Variants in ARHGEF11 observed in about 807,000 individuals in gnomAD.
ARHGEF11 encodes the protein Rho guanine exchange factor (GEF) 11.
ARHGEF11 carries 55 observed loss-of-function variants against 193.7 expected under a neutral mutation model. The ratio of observed to expected loss-of-function variants is 0.28; its 90% CI spans 0.23 to 0.36. ARHGEF11 has a LOEUF of 0.36. ARHGEF11 is among the 10% of genes least tolerant of loss of function. ARHGEF11 has a pLI of 1.00. For synonymous variants in ARHGEF11, 693 were observed against 768.0 expected, an observed-to-expected ratio of 0.90 and a Z score of 1.62; for missense variants, 1,723 against 2,005.6, an observed-to-expected ratio of 0.86 and a Z score of 2.69.
chr1:156,958,958 GAT>G, intron 16 of ARHGEF11, 86 bp downstream of exon 16: 1 of 1,602,316 alleles, frequency 6.2e-7, no homozygotes, highest in Non-Finnish European at 8.5e-7. Context: ...TATAACAAGA[GAT>G]ATGTGCACGT....
chr1:157,021,996 C>A (rs558798388), intron 1 of ARHGEF11, among the ~76,000 whole-genome samples: 12 of 152,142 alleles, frequency 7.9e-5, no homozygotes, highest in Non-Finnish European at 1.0e-4. Flanking sequence ...AAATCCAACA[C>A]CCTTTTACAA....
chr1:156,995,569 T>C (rs1028247765), intron 1 of ARHGEF11, among the ~76,000 whole-genome samples: 112 of 152,038 alleles, frequency 7.4e-4, no homozygotes, highest in Non-Finnish European at 1.4e-3. Context: ...CTTTTTTTTT[T>C]TTTTGAGACA....
intron 1 of ARHGEF11, among the ~76,000 whole-genome samples, chr1:156,990,214 T>C (rs997510784): frequency 6.6e-6 from 1 of 152,228 alleles, no homozygotes; most frequent in Non-Finnish European, 1.5e-5. Context: ...TCTAGGCCAG[T>C]AATCTTGTTG....
intron 21 of ARHGEF11, 88 bp from the exon 22 acceptor site, chr1:156,951,787 G>A: frequency 1.3e-6 from 2 of 1,548,938 alleles, no homozygotes; most frequent in South Asian, 2.4e-5. Flanking sequence ...CCAGAAGACA[G>A]AGCAATGAGC....
rs1304123025 is a variant in ARHGEF11, at chr1:156,942,712, A to G, written c.3304T>C (p.Leu1102=). 4 of 1,614,162 alleles carry G rather than the reference A, an allele frequency of 2.5e-6. No individual in the cohort carries two copies. The highest frequency in any genetic ancestry group is 2.2e-5 in the South Asian group (2 of 91,074). Residue 1102 remains leucine (L), a synonymous_variant, in exon 33 of 41, where the codon TTG becomes CTG. Transcript: ENST00000368194. ...CACGTGTTCTTGTCTGATGACGTCA[A>G]TGCAACCAGCTCATAGATCTGGGGT... is the stretch of plus-strand genomic sequence containing the variant. ...GPPQIYELVA[L]TSSDKNTWME...
chr1:156,970,257 A>C (rs1250411072), intron 8 of ARHGEF11, among the ~76,000 whole-genome samples: 1 of 152,154 alleles, frequency 6.6e-6, no homozygotes, highest in East Asian at 1.9e-4. Context: ...CCATTACTGA[A>C]ATTCTAAAAG....
chr1:156,960,462 T>TA lies in ARHGEF11; in HGVS notation c.1240-3dup, dbSNP rs760119017. The TA allele has an allele frequency of 1.1e-5, 17 of 1,614,048 alleles. No homozygotes were observed. The highest frequency in any genetic ancestry group is 1.4e-5 in the Non-Finnish European group (17 of 1,179,984). On this transcript the variant is annotated splice_polypyrimidine_tract_variant and splice_region_variant and intron_variant, in intron 14 of 40. Coordinates refer to ENST00000368194, the MANE Select transcript of ARHGEF11 (RefSeq NM_198236.3). ...CTCAGGGATCTTCACTCTCAGAGGC[T>TA]AAAAAACAGAAGTGTGGAGCAGAAG...
intron 1 of ARHGEF11, among the ~76,000 whole-genome samples, chr1:157,013,820 C>T (rs1422085701): frequency 6.6e-6 from 1 of 152,226 alleles, no homozygotes; most frequent in African/African-American, 2.4e-5. Context: ...CTGGTATTTT[C>T]CTCCCAGGTA....
rs201329653 is a variant in ARHGEF11, at chr1:156,940,473, C to T, written c.3515-48G>A. On this transcript the variant is annotated intron_variant, in intron 35 of 40. Coordinates refer to ENST00000368194, the MANE Select transcript of ARHGEF11 (RefSeq NM_198236.3). The stretch of plus-strand genomic sequence containing the variant: ...GTAAGGCAGGGAAAGGGAGAGGGCA[C>T]GTATGGGAGAGCCTATGGGCAGCTT... The T allele has an allele frequency of 3.0e-4, 454 of 1,534,634 alleles. 2 individuals carry two copies. In the African/African-American group the frequency reaches 4.1e-3, roughly 14 times the overall value.
intron 13 of ARHGEF11, among the ~76,000 whole-genome samples, chr1:156,962,600 C>T (rs529644616): frequency 6.6e-6 from 1 of 152,078 alleles, no homozygotes; most frequent in East Asian, 1.9e-4. Flanking sequence ...AGGAAGAGGC[C>T]GGGCGTGGTG....
At position 156,941,907 on chromosome 1, in the gene ARHGEF11, G is replaced by A. The variant is rs140840968; in HGVS notation, c.3409C>T (p.Pro1137Ser). The A allele has an allele frequency of 1.1e-4, 172 of 1,613,958 alleles. No individual in the cohort carries two copies. The African/African-American group carries it at 1.9e-3, about 18-fold the overall frequency. Residue 1137 changes from proline (P) to serine (S), a missense_variant, in exon 34 of 41, where the codon CCA (proline) becomes TCA (serine). Around this residue, in one of 5 missense-constraint regions of ARHGEF11, gnomAD observed 203 missense variants for 237.3 expected, o/e 0.86. Coordinates refer to ENST00000368194, the MANE Select transcript of ARHGEF11 (RefSeq NM_198236.3). Reference sequence around the variant, plus strand: ...TGCTGGGCTGGCTCCCGGGGACCTGGGGGTGGAGGATGGACGGGCATTGGG... The same window carrying A: ...TGCTGGGCTGGCTCCCGGGGACCTGAGGGTGGAGGATGGACGGGCATTGGG... ...AAPMPVHPPP[P>S]GPREPAQQGP...
chr1:156,983,550 A>G (rs1402848130), intron 3 of ARHGEF11, among the ~76,000 whole-genome samples: 2 of 152,172 alleles, frequency 1.3e-5, no homozygotes, highest in Non-Finnish European at 2.9e-5. Context: ...TGTCTTCCTC[A>G]GCCTGGACCA....
intron 36 of ARHGEF11, 144 bp from the exon 37 acceptor site, chr1:156,940,054 T>C: frequency 7.0e-7 from 1 of 1,427,108 alleles, no homozygotes; most frequent in Non-Finnish European, 9.4e-7. Flanking sequence ...CTGGTGGGGG[T>C]TGGGTGGGGA....
At chr1:156,983,352 G>A (rs1664470220) in intron 3 of ARHGEF11, among the ~76,000 whole-genome samples, 1 of 152,200 alleles carries the variant, frequency 6.6e-6, no homozygotes, top group Non-Finnish European at 1.5e-5. Flanking sequence ...CTCCCGAGTA[G>A]CTGGGACTAC....
At chr1:156,967,702 T>C (rs1178787068) in intron 11 of ARHGEF11, among the ~76,000 whole-genome samples, 2 of 152,244 alleles carry the variant, frequency 1.3e-5, no homozygotes, top group South Asian at 4.1e-4. Flanking sequence ...TTTCCTATTC[T>C]GTATAGACAG....
intron 17 of ARHGEF11, among the ~76,000 whole-genome samples, chr1:156,958,225 T>C (rs1025567826): frequency 1.3e-5 from 2 of 152,238 alleles, no homozygotes; most frequent in Admixed American, 6.5e-5. Context: ...CAGGTGCCTA[T>C]GACACTTTCG....
chr1:157,004,833 C>G (rs1220958226), intron 1 of ARHGEF11, among the ~76,000 whole-genome samples: 1 of 152,086 alleles, frequency 6.6e-6, no homozygotes, highest in African/African-American at 2.4e-5. Context: ...ACCCCCCAAA[C>G]GTAAAAATAA....
intron 10 of ARHGEF11, among the ~76,000 whole-genome samples, chr1:156,968,817 T>C (rs1662104494): frequency 6.6e-6 from 1 of 152,240 alleles, no homozygotes; most frequent in Non-Finnish European, 1.5e-5. Context: ...GAAATTCTTT[T>C]AGTCATTCCA....
At chr1:156,943,161 A>G (rs1207881002) in intron 32 of ARHGEF11, among the ~76,000 whole-genome samples, 4 of 150,652 alleles carry the variant, frequency 2.7e-5, no homozygotes, top group Non-Finnish European at 4.4e-5. Context: ...CCCGGGTTCA[A>G]GTGATTCTCC....
Sources: gnomAD v4.1 joint callset for allele counts (sites outside exome capture counted in the v4.1 genomes callset) on GRCh38, gnomAD v4.1.1 for gene constraint, gnomAD v4.1.1 regional missense constraint, MANE v1.5 for transcripts, NCBI Gene and HGNC (gene_info 2026-07-23, HGNC 2026-07-21) for gene names.